IGLL1: variants seen among roughly 807,000 people sequenced by gnomAD.
The protein encoded by IGLL1 is immunoglobulin lambda like polypeptide 1, also known as immunoglobulin lambda-like polypeptide 1.
In IGLL1, 10 loss-of-function variants were observed where a neutral mutation model predicts 10.5. The ratio of observed to expected loss-of-function variants is 0.95; its 90% CI spans 0.59 to 1.62. The LOEUF is 1.62. IGLL1 is among the 40% of genes most tolerant of loss of function. The pLI is 0.00. For synonymous variants in IGLL1, 141 were observed against 122.7 expected, an observed-to-expected ratio of 1.15 and a Z score of -0.99; for missense variants, 284 against 278.7, an observed-to-expected ratio of 1.02 and a Z score of -0.14.
chr22:23,575,122 T>C (rs1468276429), intron 1 of IGLL1, 40 bp from the exon 2 acceptor site: 2 of 1,439,564 alleles, frequency 1.4e-6, no homozygotes, highest in Admixed American at 3.3e-5. Flanking sequence ...GTGTGTAGGC[T>C]GTGACCCAGG....
In IGLL1 at chr22:23,575,088, G is replaced by C; in HGVS notation, c.207-6C>G. 6.2e-7 allele frequency: 1 copy of C among 1,600,804 alleles called. No individual in the cohort carries two copies. Among genetic ancestry groups the C allele is most frequent in the East Asian group, 2.2e-5 (1 of 44,802 alleles). On this transcript the variant is annotated splice_polypyrimidine_tract_variant and splice_region_variant and intron_variant, in intron 1 of 2. Coordinates refer to ENST00000330377, the MANE Select transcript of IGLL1 (RefSeq NM_020070.4). ...AGCCGCGCTGGAGCAGGAACCTGCTGGGAGTGAGGGGCACAGGGCTGCAGT... is the reference window on the plus strand; with the variant it reads ...AGCCGCGCTGGAGCAGGAACCTGCTCGGAGTGAGGGGCACAGGGCTGCAGT...
At chr22:23,575,146 G>A in intron 1 of IGLL1, 64 bp from the exon 2 acceptor site, 1 of 1,148,474 alleles carries the variant, frequency 8.7e-7, no homozygotes, top group South Asian at 1.2e-5. Flanking sequence ...AGGGTAGGGG[G>A]GTGGCCAGTG....
At chr22:23,576,663 C>G (rs1264696191) in intron 1 of IGLL1, among the ~76,000 whole-genome samples, 2 of 152,182 alleles carry the variant, frequency 1.3e-5, no homozygotes, top group African/African-American at 4.8e-5. Flanking sequence ...AACTCCCGAC[C>G]TCAGGTGATC....
In IGLL1 at chr22:23,580,220, C is replaced by G. The variant is rs986514878; in HGVS notation, c.-30G>C. On this transcript the variant is annotated 5_prime_UTR_variant, in exon 1 of 3. Transcript: ENST00000330377. Reference sequence around the variant, plus strand: ...CCTCAGGGTCAGAGGTCCTTGTGGCCTGACTTGCAGTGTGGGCTCCCTAGA... The same window carrying G: ...CCTCAGGGTCAGAGGTCCTTGTGGCGTGACTTGCAGTGTGGGCTCCCTAGA... The G allele has an allele frequency of 2.0e-6, 3 of 1,535,594 alleles. No individual in the cohort carries two copies. The highest frequency in any genetic ancestry group is 3.9e-5 in the Admixed American group (2 of 51,002).
chr22:23,575,637 CT>C (rs1309175277), intron 1 of IGLL1, among the ~76,000 whole-genome samples: 1 of 152,210 alleles, frequency 6.6e-6, no homozygotes, highest in Non-Finnish European at 1.5e-5. Context: ...CATCTATCAT[CT>C]GTCCATTCGT....
chr22:23,575,226 T>C (rs774635576), intron 1 of IGLL1, 144 bp from the exon 2 acceptor site: 2 of 741,444 alleles, frequency 2.7e-6, no homozygotes, highest in African/African-American at 1.7e-5. Context: ...CCCCAGCGTG[T>C]GTCCCCCTCT....
rs370948224 is a variant in IGLL1, at chr22:23,578,073, G to A, written c.206+1912C>T. Among the ~76,000 whole-genome samples the A allele has an allele frequency of 1.4e-4, 22 of 151,766 alleles. 1 individual carries two copies. In the East Asian group the frequency reaches 3.7e-3, roughly 26 times the overall value. ...TAGTTTTTGTATTTTTAGTAGAGAC[G>A]GAGTTTTGCCATGTTGGCCAGGATG... On this transcript the variant is annotated intron_variant, in intron 1 of 2. Transcript: ENST00000330377.
chr22:23,580,003 A>G lies in IGLL1; in HGVS notation c.188T>C (p.Leu63Pro). Reference sequence around the variant, plus strand: ...CCCTTACCTGCCCCACCGGCTCCTCAGGCTGGACCGGCTGCTTCCTCCAGG... The same window carrying G: ...CCCTTACCTGCCCCACCGGCTCCTCGGGCTGGACCGGCTGCTTCCTCCAGG... Reference protein sequence around the residue: ...GAPGGSSRSSLRSRWGRFLLQ... With the variant: ...GAPGGSSRSSPRSRWGRFLLQ... The change falls in exon 1 of 3, where the codon CTG becomes CCG. Residue 63 changes from leucine (L) to proline (P), a missense_variant. Transcript: ENST00000330377. 6.3e-7 allele frequency: 1 copy of G among 1,583,636 alleles called. No individual in the cohort carries two copies.
rs548243830 is a variant in IGLL1 at position 23,573,544 on chromosome 22, A to G, written c.364T>C (p.Ser122Pro). The G allele has an allele frequency of 1.2e-6, 2 of 1,613,824 alleles. No individual in the cohort carries two copies. Among genetic ancestry groups the G allele is most frequent in the East Asian group, 2.2e-5 (1 of 44,872 alleles). Residue 122 changes from serine (S) to proline (P), a missense_variant, in exon 3 of 3, where the codon TCC (serine) becomes CCC (proline). Physicochemically the swap from Ser to Pro is moderately conservative, Grantham distance 74. Transcript: ENST00000330377. Reference protein sequence around the residue: ...ATPSVTLFPPSSEELQANKAT... With the variant: ...ATPSVTLFPPPSEELQANKAT... ...TTGTTGGCTTGGAGCTCCTCAGAGG[A>G]CGGCGGGAACAGAGTGACCGAGGGG...
chr22:23,580,048 C>T lies in IGLL1; in HGVS notation c.143G>A (p.Arg48Lys). The change falls in exon 1 of 3, where the codon AGG becomes AAG. Residue 48 changes from arginine (R) to lysine (K), a missense_variant. Coordinates refer to ENST00000330377, the MANE Select transcript of IGLL1 (RefSeq NM_020070.4). ...TCCAGGGGCTCCAGGGCCCAGGGCC[C>T]TGCTCTGCGATGCAGCTGTTGGGCG... ...LLRPTAASQS[R>K]ALGPGAPGGS... 1 of 1,576,530 alleles carries T rather than the reference C, an allele frequency of 6.3e-7. No homozygotes were observed. Among genetic ancestry groups the T allele is most frequent in the Middle Eastern group, 1.7e-4 (1 of 5,958 alleles).
intron 1 of IGLL1, among the ~76,000 whole-genome samples, chr22:23,577,532 TC>T (rs1466535569): frequency 2.1e-5 from 3 of 145,050 alleles, no homozygotes; most frequent in African/African-American, 7.9e-5. Context: ...GAATAATCAG[TC>T]TTTTTTTTTT....
chr22:23,579,585 G>A (rs1038352233), intron 1 of IGLL1, among the ~76,000 whole-genome samples: 1 of 148,092 alleles, frequency 6.8e-6, no homozygotes, highest in Non-Finnish European at 1.5e-5. Context: ...AAGGGGAAAA[G>A]AGGAGGGGGG....
At chr22:23,575,632 A>G (rs908263330) in intron 1 of IGLL1, among the ~76,000 whole-genome samples, 11 of 151,886 alleles carry the variant, frequency 7.2e-5, no homozygotes, top group African/African-American at 2.7e-4. Context: ...GCATCCATCT[A>G]TCATCTGTCC....
intron 1 of IGLL1, among the ~76,000 whole-genome samples, chr22:23,577,307 G>A (rs760141227): frequency 2.0e-4 from 30 of 152,048 alleles, no homozygotes; most frequent in Non-Finnish European, 3.7e-4. Flanking sequence ...GGGACGCTGA[G>A]GCAGGGATAT....
rs991295999 is a variant in IGLL1 at position 23,574,888 on chromosome 22, G to A, written c.322+79C>T. 4.1e-6 allele frequency: 4 copies of A among 979,422 alleles called. No individual in the cohort carries two copies. The African/African-American group carries it at 6.4e-5, about 16-fold the overall frequency. 60.7% of individuals were successfully genotyped at this position (979,422 alleles called of 1,614,324 possible). On this transcript the variant is annotated intron_variant, in intron 2 of 2. Transcript: ENST00000330377. ...TGCTTAAGGCTGGGAGGGCAGAGGG[G>A]AAGAAGCCCCAGAGAGAGAAAACAC...
chr22:23,575,325 G>A (rs1287438805), intron 1 of IGLL1, among the ~76,000 whole-genome samples: 3 of 152,144 alleles, frequency 2.0e-5, no homozygotes, highest in African/African-American at 7.2e-5. Context: ...GCTGTGCCGT[G>A]TGGCTGAGGA....
chr22:23,580,083 A>G lies in IGLL1; in HGVS notation c.108T>C (p.His36=), dbSNP rs534374295. 1.3e-5 allele frequency: 20 copies of G among 1,571,780 alleles called. No homozygotes were observed. In the African/African-American group the frequency reaches 1.6e-4, roughly 13 times the overall value. Residue 36 remains histidine, a synonymous_variant, in exon 1 of 3, where the codon CAT becomes CAC. Coordinates refer to ENST00000330377, the MANE Select transcript of IGLL1 (RefSeq NM_020070.4). ...LLLLGLAVVT[H]GLLRPTAASQ... Reference sequence around the variant, plus strand: ...ATGCAGCTGTTGGGCGCAGCAGGCCATGGGTTACCACGGCCAGACCCAGCA... The same window carrying G: ...ATGCAGCTGTTGGGCGCAGCAGGCCGTGGGTTACCACGGCCAGACCCAGCA...
At chr22:23,574,938 G>C (rs755910299) in intron 2 of IGLL1, 29 bp downstream of exon 2, 1 of 1,438,706 alleles carries the variant, frequency 7.0e-7, no homozygotes, top group South Asian at 1.1e-5. Flanking sequence ...GGAGAGGGTG[G>C]GACAGCCTGG....
Position 23,573,269 on chromosome 22 carries a change from T to A in IGLL1, c.639A>T (p.Ser213=), listed in dbSNP as rs1480909699. 2 of 1,614,016 alleles carry A rather than the reference T, an allele frequency of 1.2e-6. No homozygotes were observed. Among genetic ancestry groups the A allele is most frequent in the Admixed American group, 3.3e-5 (2 of 60,014 alleles). ...GGGTGGGGTCGGGGCTGGGAACCTATGAACATTCTGCAGGGGCCACCGTCT... is the reference window on the plus strand; with the variant it reads ...GGGTGGGGTCGGGGCTGGGAACCTAAGAACATTCTGCAGGGGCCACCGTCT... ...VEKTVAPAEC[S] The change falls in exon 3 of 3, where the codon TCA becomes TCT. Residue 213 remains serine, a synonymous_variant. Coordinates refer to ENST00000330377, the MANE Select transcript of IGLL1 (RefSeq NM_020070.4).
Sources: allele counts gnomAD v4.1 joint callset (sites outside exome capture counted in the v4.1 genomes callset), GRCh38; gene constraint gnomAD v4.1.1; transcripts MANE v1.5; gene names NCBI Gene and HGNC (gene_info 2026-07-23, HGNC 2026-07-21).